Variants in SYNE2 observed in about 807,000 individuals in gnomAD.
SYNE2 encodes nesprin-2.
In SYNE2, 431 loss-of-function variants were observed where a neutral mutation model predicts 856.3. That is an observed-to-expected ratio of 0.50 (90% CI 0.47 to 0.55). The LOEUF is 0.55. Among genes scored for constraint, SYNE2 ranks in the 20% least tolerant of loss-of-function variants. The probability of loss-of-function intolerance (pLI) is 0.00; values close to 1 mark genes in which losing one functional copy is unlikely to be tolerated. For synonymous variants in SYNE2, 2,923 were observed against 2,872.3 expected, an observed-to-expected ratio of 1.02 and a Z score of -0.56; for missense variants, 8,129 against 8,023.2, an observed-to-expected ratio of 1.01 and a Z score of -0.50.
At chr14:64,015,860 G>A (rs201613560) in intron 32 of SYNE2, among the ~76,000 whole-genome samples, 2 of 151,930 alleles carry the variant, frequency 1.3e-5, no homozygotes, top group Non-Finnish European at 2.9e-5. Flanking sequence ...CTTTGACTGT[G>A]CTATACAAGT....
At chr14:64,014,629 A>G (rs2096873647) in intron 32 of SYNE2, among the ~76,000 whole-genome samples, 2 of 152,018 alleles carry the variant, frequency 1.3e-5, no homozygotes, top group Non-Finnish European at 2.9e-5. Flanking sequence ...GGATTTCACC[A>G]TATTGGTCAG....
chr14:63,996,808 G>T, intron 23 of SYNE2, 139 bp from the exon 24 acceptor site: 1 of 795,958 alleles, frequency 1.3e-6, no homozygotes, highest in South Asian at 1.5e-5. Context: ...TTTTTCTCTA[G>T]CGCCTATTGT....
chr14:64,125,818 C>A (rs567283464), intron 71 of SYNE2, among the ~76,000 whole-genome samples: 11 of 152,264 alleles, frequency 7.2e-5, no homozygotes, highest in African/African-American at 2.4e-4. Flanking sequence ...TTCTCACAAT[C>A]GGCTCATAAA....
chr14:63,782,040 C>G (rs1237904436), intron 1 of SYNE2, among the ~76,000 whole-genome samples: 3 of 150,968 alleles, frequency 2.0e-5, no homozygotes, highest in African/African-American at 4.9e-5. Flanking sequence ...GAGGCTGAGG[C>G]AGGAGAATGG....
chr14:64,221,661 A>T lies in SYNE2; in HGVS notation c.20147A>T (p.Lys6716Met). Residue 6716 changes from lysine to methionine, a missense_variant, in exon 112 of 116, where the codon AAG becomes ATG. Lys to Met is a moderately conservative substitution (Grantham distance 95). Transcript: ENST00000555002. ...RRQKAHVTDPKADPRALLECR... is the reference protein window; with the variant it reads ...RRQKAHVTDPMADPRALLECR... ...CAGAAGGCTCATGTCACCGATCCAA[A>T]GGCAGACCCCCGGGCTCTCCTAGAG... The T allele has an allele frequency of 6.2e-7, 1 of 1,614,152 alleles. No homozygotes were observed. The highest frequency in any genetic ancestry group is 8.5e-7 in the Non-Finnish European group (1 of 1,180,020).
chr14:63,818,208 G>A (rs544649015), intron 1 of SYNE2, among the ~76,000 whole-genome samples: 5 of 151,778 alleles, frequency 3.3e-5, no homozygotes, highest in Non-Finnish European at 7.4e-5. Flanking sequence ...GGTGGCACAT[G>A]CCTGTAGTCC....
rs971933371 is a variant in SYNE2 at position 64,156,825 on chromosome 14, C to T, written c.15793-1800C>T. 4.6e-5 allele frequency among the ~76,000 whole-genome samples: 7 copies of T among 152,340 alleles called. 1 individual carries two copies. In the South Asian group the frequency reaches 1.4e-3, roughly 32 times the overall value. On this transcript the variant is annotated intron_variant, in intron 85 of 115. Transcript: ENST00000555002. ...CTTAGCCATCCTGCCCTTGTAAAGACATTCAGTCCACATAGTTGCCAACAT... is the reference window on the plus strand; with the variant it reads ...CTTAGCCATCCTGCCCTTGTAAAGATATTCAGTCCACATAGTTGCCAACAT...
chr14:63,887,315 T>C (rs939761524), intron 1 of SYNE2, among the ~76,000 whole-genome samples: 1 of 152,126 alleles, frequency 6.6e-6, no homozygotes, highest in African/African-American at 2.4e-5. Flanking sequence ...AAACCCTAAA[T>C]GTATGGAAAT....
At chr14:63,791,906 C>T (rs1255954520) in intron 1 of SYNE2, among the ~76,000 whole-genome samples, 3 of 145,324 alleles carry the variant, frequency 2.1e-5, no homozygotes, top group East Asian at 2.0e-4. Context: ...ATCGCGCCAC[C>T]GCACTCCAGC....
intron 14 of SYNE2, 49 bp downstream of exon 14, chr14:63,979,063 CTG>C (rs988151497): frequency 6.3e-7 from 1 of 1,587,506 alleles, no homozygotes; most frequent in Non-Finnish European, 8.6e-7. Flanking sequence ...TCTCTGGGTG[CTG>C]TGTTTGCATT....
intron 1 of SYNE2, among the ~76,000 whole-genome samples, chr14:63,908,537 T>C (rs1299405849): frequency 6.6e-6 from 1 of 152,138 alleles, no homozygotes; most frequent in Non-Finnish European, 1.5e-5. Context: ...GGTGAAAAAA[T>C]AAGCCTTTGG....
Position 64,002,956 on chromosome 14 carries a change from C to A in SYNE2, c.4023C>A (p.Pro1341=), listed in dbSNP as rs772427851. Residue 1341 remains proline (P), a synonymous_variant, in exon 30 of 116, where the codon CCC becomes CCA. Transcript: ENST00000555002. The stretch of plus-strand genomic sequence containing the variant: ...GAACAGCTAAACTCTCTGCTGAGCC[C>A]GTTACAGACCTTTCAGCCTCAGATA... ...SLRTAKLSAE[P]VTDLSASDTQ... is the part of the protein sequence containing the mutation. 6.2e-7 allele frequency: 1 copy of A among 1,614,126 alleles called. No homozygotes were observed. Among genetic ancestry groups the A allele is most frequent in the Non-Finnish European group, 8.5e-7 (1 of 1,180,030 alleles).
intron 32 of SYNE2, among the ~76,000 whole-genome samples, chr14:64,014,119 A>G (rs2096869398): frequency 6.6e-6 from 1 of 152,126 alleles, no homozygotes; most frequent in Admixed American, 6.5e-5. Flanking sequence ...ATGAAATTAT[A>G]TAGTATGTAA....
chr14:64,209,466 A>G lies in SYNE2; in HGVS notation c.18428A>G (p.Asp6143Gly), dbSNP rs2140144202. ...TGGCGCCTGTGGCAGAAGTTTTTAG[A>G]CGACTATTCTCGCTTTGAGGACTGG... is the stretch of plus-strand genomic sequence containing the variant. ...ETWRLWQKFL[D>G]DYSRFEDWLK... Residue 6143 changes from aspartate to glycine, a missense_variant, in exon 102 of 116, where the codon GAC (aspartate) becomes GGC (glycine). Coordinates refer to ENST00000555002, the MANE Select transcript of SYNE2 (RefSeq NM_182914.3). 6.2e-7 allele frequency: 1 copy of G among 1,614,046 alleles called. No homozygotes were observed. Among genetic ancestry groups the G allele is most frequent in the East Asian group, 2.2e-5 (1 of 44,886 alleles).
intron 1 of SYNE2, among the ~76,000 whole-genome samples, chr14:63,830,190 T>C (rs1055550768): frequency 8.6e-5 from 13 of 151,502 alleles, no homozygotes; most frequent in African/African-American, 3.2e-4. Flanking sequence ...TCTTTAGAGA[T>C]GGAAAGTAGA....
In SYNE2 at chr14:64,065,522, G is replaced by T. The variant is rs931738357; in HGVS notation, c.10303G>T (p.Asp3435Tyr). ...RLLRLRCTEN[D>Y]GICLLKIVSA... ...CTTGAGACTCAGGTGCACAGAAAAT[G>T]ATGGCATATGTTTGCTCAAGATTGT... Residue 3435 changes from aspartate (D) to tyrosine (Y), a missense_variant, in exon 51 of 116, where the codon GAT becomes TAT. By Grantham distance (160) the Asp-to-Tyr change is radical. Coordinates refer to ENST00000555002, the MANE Select transcript of SYNE2 (RefSeq NM_182914.3). 1.2e-6 allele frequency: 2 copies of T among 1,614,010 alleles called. No homozygotes were observed. The highest frequency in any genetic ancestry group is 8.5e-7 in the Non-Finnish European group (1 of 1,180,032).
intron 102 of SYNE2, 75 bp from the exon 103 acceptor site, chr14:64,209,867 C>A: frequency 1.2e-6 from 2 of 1,601,278 alleles, no homozygotes; most frequent in Non-Finnish European, 1.7e-6. Flanking sequence ...CAGCAGGTCG[C>A]TTGGGATGTA....
intron 1 of SYNE2, among the ~76,000 whole-genome samples, chr14:63,882,650 G>A (rs1251966596): frequency 1.3e-5 from 2 of 152,258 alleles, no homozygotes; most frequent in Non-Finnish European, 2.9e-5. Context: ...GGTTGCGTCT[G>A]GGATATGATG....
At chr14:64,130,880 T>C (rs891829251) in intron 76 of SYNE2, among the ~76,000 whole-genome samples, 4 of 135,062 alleles carry the variant, frequency 3.0e-5, no homozygotes, top group African/African-American at 1.1e-4. Flanking sequence ...CAAGACTCTA[T>C]CTCAAAAAAA....
Sources: allele counts gnomAD v4.1 joint callset (sites outside exome capture counted in the v4.1 genomes callset), GRCh38; gene constraint gnomAD v4.1.1; transcripts MANE v1.5; gene names NCBI Gene and HGNC (gene_info 2026-07-23, HGNC 2026-07-21).